ADCY5: variants seen among roughly 807,000 people sequenced by gnomAD.
ADCY5 encodes the protein adenylate cyclase 5.
Under a neutral mutation model 119.7 loss-of-function variants are expected in ADCY5, and 30 were observed. The observed-to-expected ratio is 0.25, with a 90% CI of 0.19 to 0.34. The LOEUF (loss-of-function observed/expected upper bound fraction) is 0.34. Among genes scored for constraint, ADCY5 ranks in the 10% least tolerant of loss-of-function variants. The pLI is 1.00. For missense variants in ADCY5, 1,324 were observed against 1,775.2 expected, an observed-to-expected ratio of 0.75 and a Z score of 4.57; for synonymous variants, 753 against 762.2, an observed-to-expected ratio of 0.99 and a Z score of 0.20.
At chr3:123,335,554 C>T (rs1326934678) in intron 3 of ADCY5, among the ~76,000 whole-genome samples, 1 of 152,124 alleles carries the variant, frequency 6.6e-6, no homozygotes, top group African/African-American at 2.4e-5. Context: ...GTCTGTAGGC[C>T]CCACAGACAT....
chr3:123,416,177 C>T (rs948867697), intron 1 of ADCY5: 2 of 1,535,980 alleles, frequency 1.3e-6, no homozygotes, highest in East Asian at 2.4e-5. Context: ...GTGGCCATGA[C>T]ACTCACCCTC....
chr3:123,422,931 G>A (rs1309111063), intron 1 of ADCY5, among the ~76,000 whole-genome samples: 1 of 152,234 alleles, frequency 6.6e-6, no homozygotes, highest in Non-Finnish European at 1.5e-5. Flanking sequence ...ATTTTGTATA[G>A]CAGAATCTGG....
chr3:123,371,580 T>G (rs1457047553), intron 1 of ADCY5, among the ~76,000 whole-genome samples: 1 of 152,248 alleles, frequency 6.6e-6, no homozygotes, highest in Non-Finnish European at 1.5e-5. Context: ...CAAGCCGGGT[T>G]CTGGTCCTGA....
At chr3:123,402,143 AGCTGAGATAG>A (rs975261034) in intron 1 of ADCY5, among the ~76,000 whole-genome samples, 1 of 152,206 alleles carries the variant, frequency 6.6e-6, no homozygotes, top group African/African-American at 2.4e-5. Context: ...TCTCTCTATG[AGCTGAGATAG>A]GCTGAGAACA....
At chr3:123,439,847 G>A (rs1945692588) in intron 1 of ADCY5, among the ~76,000 whole-genome samples, 1 of 152,206 alleles carries the variant, frequency 6.6e-6, no homozygotes, top group Non-Finnish European at 1.5e-5. Flanking sequence ...AACAAATAGG[G>A]AGAAGGCTGA....
At chr3:123,318,208 C>G in intron 10 of ADCY5, 91 bp from the exon 11 acceptor site, 5 of 928,776 alleles carry the variant, frequency 5.4e-6, no homozygotes, top group Non-Finnish European at 8.5e-6. Flanking sequence ...GGAAGCCACT[C>G]ATGGCTGGTC....
At chr3:123,430,276 C>T (rs1441664409) in intron 1 of ADCY5, among the ~76,000 whole-genome samples, 1 of 152,214 alleles carries the variant, frequency 6.6e-6, no homozygotes, top group East Asian at 1.9e-4. Context: ...ACAGGCCGGA[C>T]TCAGCCTTAC....
intron 1 of ADCY5, among the ~76,000 whole-genome samples, chr3:123,390,944 C>T (rs1314856187): frequency 6.7e-6 from 1 of 149,830 alleles, no homozygotes; most frequent in Non-Finnish European, 1.5e-5. Flanking sequence ...CCTCCCTCTT[C>T]CCTGGAATAA....
chr3:123,426,766 CAGG>C (rs1419568907), intron 1 of ADCY5, among the ~76,000 whole-genome samples: 2 of 152,106 alleles, frequency 1.3e-5, no homozygotes, highest in African/African-American at 4.8e-5. Flanking sequence ...GTAGGAGTAC[CAGG>C]AGCTCTGCTG....
At chr3:123,331,801 A>T (rs998627378) in intron 4 of ADCY5, among the ~76,000 whole-genome samples, 3 of 152,180 alleles carry the variant, frequency 2.0e-5, no homozygotes, top group African/African-American at 7.2e-5. Flanking sequence ...CACCTCATTC[A>T]GTTCAGTGAC....
chr3:123,411,590 C>G (rs1312494767), intron 1 of ADCY5, among the ~76,000 whole-genome samples: 1 of 152,172 alleles, frequency 6.6e-6, no homozygotes, highest in Admixed American at 6.5e-5. Context: ...GCCTCTTATC[C>G]CCAACCCCCA....
chr3:123,361,080 T>C (rs1576622856), intron 1 of ADCY5, among the ~76,000 whole-genome samples: 1 of 152,364 alleles, frequency 6.6e-6, no homozygotes, highest in East Asian at 1.9e-4. Flanking sequence ...TTTTGTTTTA[T>C]TCTATTTAAT....
intron 17 of ADCY5, among the ~76,000 whole-genome samples, chr3:123,294,197 G>A (rs1169231915): frequency 1.3e-5 from 2 of 152,216 alleles, no homozygotes; most frequent in African/African-American, 2.4e-5. Context: ...CAGCTCTTCT[G>A]TGCAGTAGAA....
chr3:123,392,704 C>G (rs1200794322), intron 1 of ADCY5, among the ~76,000 whole-genome samples: 1 of 152,126 alleles, frequency 6.6e-6, no homozygotes, highest in African/African-American at 2.4e-5. Context: ...CTCCAACTTT[C>G]TGTCTCTTTC....
At chr3:123,424,831 T>C (rs1945371861) in intron 1 of ADCY5, among the ~76,000 whole-genome samples, 1 of 152,108 alleles carries the variant, frequency 6.6e-6, no homozygotes, top group Admixed American at 6.5e-5. Flanking sequence ...GGAGCAATAA[T>C]AGTTAATAAA....
chr3:123,405,051 GC>G (rs1010050865), intron 1 of ADCY5, among the ~76,000 whole-genome samples: 3 of 152,244 alleles, frequency 2.0e-5, no homozygotes, highest in African/African-American at 7.2e-5. Flanking sequence ...GTAGGGCGAT[GC>G]CAGAAGGGCA....
intron 1 of ADCY5, among the ~76,000 whole-genome samples, chr3:123,405,082 C>T (rs1335495614): frequency 6.6e-6 from 1 of 152,216 alleles, no homozygotes; most frequent in Non-Finnish European, 1.5e-5. Flanking sequence ...AAAGAGCCTG[C>T]GACAGCTGCT....
At position 123,303,233 on chromosome 3, in the gene ADCY5, G is replaced by A; in HGVS notation, c.2560-14C>T. On this transcript the variant is annotated splice_polypyrimidine_tract_variant and intron_variant, in intron 13 of 20. Transcript: ENST00000462833. ...GTTGCACGTGAACTGGGGGGAGGAA[G>A]GAGGGTGATGAGGGGAGGGTAAGCT... 1 of 1,610,208 alleles carries A rather than the reference G, an allele frequency of 6.2e-7. No homozygotes were observed. Among genetic ancestry groups the A allele is most frequent in the South Asian group, 1.1e-5 (1 of 90,882 alleles).
In ADCY5 at chr3:123,297,060, G is replaced by A. The variant is rs1342357805; in HGVS notation, c.2930+293C>T. 10 of 1,535,746 alleles carry A rather than the reference G, an allele frequency of 6.5e-6. No individual in the cohort carries two copies. The South Asian group carries it at 7.1e-5, about 11-fold the overall frequency. ...TGAGGTTCTCACACAGGCTCCTGGGGAAGAGCTTGAGGTTAAATGCTTTAA... is the reference window on the plus strand; with the variant it reads ...TGAGGTTCTCACACAGGCTCCTGGGAAAGAGCTTGAGGTTAAATGCTTTAA... On this transcript the variant is annotated intron_variant, in intron 16 of 20. Coordinates refer to ENST00000462833, the MANE Select transcript of ADCY5 (RefSeq NM_183357.3).
Sources: allele counts gnomAD v4.1 joint callset (sites outside exome capture counted in the v4.1 genomes callset), GRCh38; gene constraint gnomAD v4.1.1; transcripts MANE v1.5; gene names NCBI Gene and HGNC (gene_info 2026-07-23, HGNC 2026-07-21).